KIFC3: variants seen among roughly 807,000 people sequenced by gnomAD.
KIFC3 encodes kinesin-like protein KIFC3.
Under a neutral mutation model 101.8 loss-of-function variants are expected in KIFC3, and 60 were observed. That is an observed-to-expected ratio of 0.59 (90% CI 0.48 to 0.73). KIFC3 has a LOEUF of 0.73. Ranked by LOEUF, KIFC3 falls within the 30% of genes least tolerant of loss-of-function variation. KIFC3 has a pLI of 0.00. For missense variants in KIFC3, 966 were observed against 1,137.1 expected (o/e 0.85, Z 2.16); for synonymous variants, 476 against 482.7 (o/e 0.99, Z 0.18).
intron 1 of KIFC3, among the ~76,000 whole-genome samples, chr16:57,841,760 T>C (rs2055815853): frequency 1.3e-5 from 2 of 152,156 alleles, no homozygotes; most frequent in Admixed American, 1.3e-4. Context: ...GCCTCTCAAA[T>C]GCGCGTTGCC....
At chr16:57,791,761 G>A (rs564160275) in intron 3 of KIFC3, among the ~76,000 whole-genome samples, 2 of 152,182 alleles carry the variant, frequency 1.3e-5, no homozygotes, top group African/African-American at 2.4e-5. Context: ...GTGGGTTTCT[G>A]ACTGCTGCCT....
At chr16:57,859,877 C>A (rs1401622485) in intron 1 of KIFC3, among the ~76,000 whole-genome samples, 1 of 151,000 alleles carries the variant, frequency 6.6e-6, no homozygotes, top group African/African-American at 2.4e-5. Flanking sequence ...CAAAAATTAG[C>A]CAGGTGTGGT....
At position 57,759,111 on chromosome 16, in the gene KIFC3, G is replaced by C; in HGVS notation, c.*24+14C>G. 1 of 1,550,572 alleles carries C rather than the reference G, an allele frequency of 6.4e-7. No individual in the cohort carries two copies. The highest frequency in any genetic ancestry group is 1.2e-5 in the South Asian group (1 of 84,064). On this transcript the variant is annotated intron_variant, in intron 19 of 19. Coordinates refer to ENST00000445690, the MANE Select transcript of KIFC3 (RefSeq NM_001130100.2). ...GGCAGGCGGGCAGCCCTGGGCCACA[G>C]GCCCCACACTCACCTAGAGACTCTG... is the stretch of plus-strand genomic sequence containing the variant.
intron 13 of KIFC3, among the ~76,000 whole-genome samples, chr16:57,761,842 C>T (rs941091008): frequency 6.6e-6 from 1 of 152,164 alleles, no homozygotes; most frequent in African/African-American, 2.4e-5. Context: ...CCTCCTCCCC[C>T]CAGAACCATC....
In KIFC3 at chr16:57,762,350, T is replaced by TA. The variant is rs1370008184; in HGVS notation, c.1618-81_1618-80insT. On this transcript the variant is annotated intron_variant, in intron 12 of 19. Transcript: ENST00000445690. ...TGTGGTGTCTGTCCCCAAAGCCCCT[T>TA]GACTACCCCTCACAAGCAAGCCTCC... 2.9e-6 allele frequency: 4 copies of TA among 1,358,266 alleles called. No individual in the cohort carries two copies. The African/African-American group carries it at 5.9e-5, about 20-fold the overall frequency. The allele number at this position is 1,358,266 out of a possible 1,614,324, so 84.1% of individuals were successfully genotyped here.
intron 3 of KIFC3, among the ~76,000 whole-genome samples, chr16:57,781,397 G>A (rs142979641): frequency 3.9e-4 from 60 of 152,282 alleles, no homozygotes; most frequent in African/African-American, 1.1e-3. Context: ...ATGGCTCTAG[G>A]GACATTCACA....
chr16:57,824,617 A>T (rs1327675292), intron 1 of KIFC3, among the ~76,000 whole-genome samples: 1 of 152,210 alleles, frequency 6.6e-6, no homozygotes, highest in African/African-American at 2.4e-5. Context: ...CAGGAGGCGG[A>T]GGTTGCAGTG....
chr16:57,849,627 G>C (rs1412696824), intron 1 of KIFC3, among the ~76,000 whole-genome samples: 2 of 152,178 alleles, frequency 1.3e-5, no homozygotes, highest in African/African-American at 4.8e-5. Context: ...ATGGGGCCAG[G>C]TGTGGTGGCT....
upstream of KIFC3, chr16:57,802,826 G>T: frequency 1.2e-6 from 1 of 855,396 alleles, no homozygotes; most frequent in Non-Finnish European, 1.9e-6. This position sits in a 1 kb window ranked among gnomAD's most constrained non-coding sequence, Gnocchi z 5.0. Context: ...CACCTGGTGA[G>T]CCATGCGTAC....
Position 57,844,683 on chromosome 16 carries a change from T to G in KIFC3, c.108+18046A>C, listed in dbSNP as rs190090761. Among the ~76,000 whole-genome samples the G allele has an allele frequency of 1.5e-3, 221 of 152,218 alleles. 3 individuals are homozygous for G. The highest frequency in any genetic ancestry group is 1.7e-3 in the South Asian group (8 of 4,826). ...GCCCCCTCCGCAGGCCCCAGGTGTT[T>G]GAACAGAGCCATACCAGGGCTGGAA... On this transcript the variant is annotated intron_variant, in intron 1 of 2. Coordinates refer to the KIFC3 transcript ENST00000563028.
intron 1 of KIFC3, among the ~76,000 whole-genome samples, chr16:57,825,704 G>A (rs748951704): frequency 2.0e-4 from 30 of 152,052 alleles, no homozygotes; most frequent in Non-Finnish European, 2.5e-4. Context: ...TTGAGGCAAG[G>A]TCTCACTCTG....
At chr16:57,766,465 G>A (rs1269556259) in intron 10 of KIFC3, among the ~76,000 whole-genome samples, 4 of 152,162 alleles carry the variant, frequency 2.6e-5, no homozygotes, top group Non-Finnish European at 4.4e-5. Context: ...CCATAGCCTC[G>A]GGCTGGAACG....
chr16:57,802,586 C>T, upstream of KIFC3: 1 of 1,000,820 alleles, frequency 1.0e-6, no homozygotes, highest in Non-Finnish European at 1.2e-6. This position sits in a 1 kb window ranked among gnomAD's most constrained non-coding sequence, Gnocchi z 5.0. Context: ...GGCGCGCGCC[C>T]GCACTCACGC....
rs1183901977 is a variant in KIFC3, at chr16:57,820,957, CA to C, written c.109-22676del. 1.9e-3 allele frequency among the ~76,000 whole-genome samples: 284 copies of C among 147,422 alleles called. 1 individual carries two copies. Among genetic ancestry groups the C allele is most frequent in the African/African-American group, 6.4e-3 (259 of 40,252 alleles). On this transcript the variant is annotated intron_variant, in intron 1 of 2. Transcript: ENST00000563028. ...ACAACACAGCAAGACTCTGCATCTA[CA>C]AAAAAAAAATGTCTATTTAAAAAAT...
intron 1 of KIFC3, among the ~76,000 whole-genome samples, chr16:57,861,291 A>G (rs1010109146): frequency 2.0e-5 from 3 of 152,174 alleles, no homozygotes; most frequent in Non-Finnish European, 4.4e-5. Flanking sequence ...CCCCTCAGCC[A>G]TAAATATCTT....
intron 1 of KIFC3, among the ~76,000 whole-genome samples, chr16:57,843,352 A>G (rs183571523): frequency 8.5e-5 from 13 of 152,270 alleles, no homozygotes; most frequent in Non-Finnish European, 1.5e-4. Context: ...TCCTGCCAAC[A>G]AGGCCTTGGA....
chr16:57,857,629 G>A (rs1167690271), intron 1 of KIFC3, among the ~76,000 whole-genome samples: 2 of 151,612 alleles, frequency 1.3e-5, no homozygotes, highest in African/African-American at 2.4e-5. Flanking sequence ...TCCCACTTAT[G>A]AGTGAGTATG....
intron 12 of KIFC3, 92 bp from the exon 13 acceptor site, chr16:57,762,362 A>G (rs2049965770): frequency 7.6e-7 from 1 of 1,318,230 alleles, no homozygotes; most frequent in Admixed American, 2.8e-5. Flanking sequence ...ACTACCCCTC[A>G]CAAGCAAGCC....
intron 1 of KIFC3, among the ~76,000 whole-genome samples, chr16:57,833,250 G>A (rs782396962): frequency 3.1e-4 from 47 of 152,176 alleles, no homozygotes; most frequent in Non-Finnish European, 5.6e-4. Flanking sequence ...GAGGGCAGAG[G>A]GGACAGTGGC....
Sources: allele counts gnomAD v4.1 joint callset (sites outside exome capture counted in the v4.1 genomes callset), GRCh38; gene constraint gnomAD v4.1.1; non-coding constraint Gnocchi (gnomAD v3.1); transcripts MANE v1.5; gene names NCBI Gene and HGNC (gene_info 2026-07-23, HGNC 2026-07-21).